The following TRIP12 variants were observed in gnomAD, a reference collection of about 807,000 sequenced individuals.
TRIP12 encodes E3 ubiquitin-protein ligase TRIP12.
TRIP12 carries 25 observed loss-of-function variants against 244.2 expected under a neutral mutation model. The observed-to-expected ratio is 0.10, with a 90% CI of 0.07 to 0.14. The LOEUF is 0.14. Ranked by LOEUF, TRIP12 falls within the 10% of genes least tolerant of loss-of-function variation. The pLI, the probability that TRIP12 is intolerant of heterozygous loss-of-function variation, is 1.00. For missense variants in TRIP12, 1,677 were observed against 2,486.4 expected, an observed-to-expected ratio of 0.67 and a Z score of 6.92; for synonymous variants, 905 against 873.1, an observed-to-expected ratio of 1.04 and a Z score of -0.64.
chr2:229,898,684 A>C (rs1237726067), intron 1 of TRIP12, among the ~76,000 whole-genome samples: 1 of 152,166 alleles, frequency 6.6e-6, no homozygotes, highest in Non-Finnish European at 1.5e-5. Flanking sequence ...TTTGCATCAG[A>C]TAGCATTTTG....
chr2:229,859,668 C>G (rs908693073), intron 3 of TRIP12, 94 bp from the exon 4 acceptor site: 2 of 1,333,838 alleles, frequency 1.5e-6, no homozygotes, highest in Admixed American at 2.3e-5. Flanking sequence ...TGAATATGTT[C>G]CTACTAAGTC....
intron 4 of TRIP12, among the ~76,000 whole-genome samples, chr2:229,857,018 T>A (rs952667897): frequency 6.6e-6 from 1 of 152,188 alleles, no homozygotes; most frequent in Non-Finnish European, 1.5e-5. Flanking sequence ...TCATTTCAGG[T>A]AATATGTGAA....
chr2:229,886,938 G>A (rs1426295144), intron 1 of TRIP12, among the ~76,000 whole-genome samples: 2 of 152,124 alleles, frequency 1.3e-5, no homozygotes, highest in Non-Finnish European at 2.9e-5. Context: ...TACAAAACTG[G>A]TAGTGCAAAT....
At chr2:229,885,524 T>C (rs2065833560) in intron 1 of TRIP12, among the ~76,000 whole-genome samples, 1 of 152,142 alleles carries the variant, frequency 6.6e-6, no homozygotes. Context: ...AGTTCTGAAC[T>C]ACACACACCA....
chr2:229,885,762 GA>G (rs1368848695), intron 1 of TRIP12, among the ~76,000 whole-genome samples: 1 of 152,130 alleles, frequency 6.6e-6, no homozygotes, highest in Non-Finnish European at 1.5e-5. Context: ...GAGGTGCCGA[GA>G]AACAATGACA....
chr2:229,805,600 G>C, intron 18 of TRIP12, 130 bp downstream of exon 18: 1 of 996,712 alleles, frequency 1.0e-6, no homozygotes, highest in Non-Finnish European at 1.3e-6. Flanking sequence ...TTAAAAAATC[G>C]AAAACCAAAT....
At chr2:229,807,679 A>C in intron 17 of TRIP12, 29 bp downstream of exon 17, 1 of 1,613,856 alleles carries the variant, frequency 6.2e-7, no homozygotes, top group Non-Finnish European at 8.5e-7. Context: ...CAAAATAGAC[A>C]CATTTAAACG....
Position 229,859,568 on chromosome 2 carries a change from G to A in TRIP12, c.231C>T (p.Cys77=). ...LSRGHLSKRS[C]SSSSAVIVPQ... is the part of the protein sequence containing the mutation. ...GAACTATCACAGCAGATGATGAACT[G>A]CAGCTTCTAAGAGGTTAGATAAGAA... The change falls in exon 4 of 42, where the codon TGC becomes TGT. Residue 77 remains cysteine (C), a synonymous_variant. Coordinates refer to ENST00000675903, the MANE Select transcript of TRIP12 (RefSeq NM_001348323.3). 1 of 1,611,290 alleles carries A rather than the reference G, an allele frequency of 6.2e-7. No individual in the cohort carries two copies. Among genetic ancestry groups the A allele is most frequent in the Non-Finnish European group, 8.5e-7 (1 of 1,178,508 alleles).
intron 2 of TRIP12, among the ~76,000 whole-genome samples, chr2:229,862,392 C>T (rs965421290): frequency 2.0e-5 from 3 of 152,010 alleles, no homozygotes; most frequent in Non-Finnish European, 4.4e-5. Flanking sequence ...AGAGGTGTAA[C>T]GTTCTGTTTT....
chr2:229,781,016 G>T (rs1232721116), intron 34 of TRIP12, among the ~76,000 whole-genome samples: 1 of 152,218 alleles, frequency 6.6e-6, no homozygotes, highest in Admixed American at 6.5e-5. Context: ...AGAAGTCACA[G>T]ATCAAATTAG....
At chr2:229,908,862 C>T (rs1354637610) in intron 1 of TRIP12, among the ~76,000 whole-genome samples, 2 of 151,870 alleles carry the variant, frequency 1.3e-5, no homozygotes, top group Non-Finnish European at 2.9e-5. Flanking sequence ...GAGGCCGAGG[C>T]GGGCAGATCA....
intron 1 of TRIP12, among the ~76,000 whole-genome samples, chr2:229,903,662 A>G (rs568961387): frequency 1.3e-5 from 2 of 152,250 alleles, no homozygotes; most frequent in East Asian, 3.9e-4. Context: ...CAAGTATCCC[A>G]AGTTAATGCA....
chr2:229,801,991 G>A (rs907925179), intron 21 of TRIP12, among the ~76,000 whole-genome samples: 2 of 152,108 alleles, frequency 1.3e-5, no homozygotes, highest in Non-Finnish European at 2.9e-5. Context: ...GTGTAACACC[G>A]TGCAAGTCAC....
chr2:229,900,189 TCTA>T (rs1427075991), intron 1 of TRIP12, among the ~76,000 whole-genome samples: 1 of 152,214 alleles, frequency 6.6e-6, no homozygotes, highest in African/African-American at 2.4e-5. Flanking sequence ...TAGTTGAACT[TCTA>T]CAACCTAGGA....
Position 229,769,219 on chromosome 2 carries a change from C to A in TRIP12, c.5903+12G>T. On this transcript the variant is annotated intron_variant, in intron 40 of 41. Coordinates refer to ENST00000675903, the MANE Select transcript of TRIP12 (RefSeq NM_001348323.3). ...AGAATCAACAGAAAAACTGGCAGAC[C>A]CCAGTACTTACCTGTCATGAGTATA... The A allele has an allele frequency of 6.2e-7, 1 of 1,609,748 alleles. No homozygotes were observed. The highest frequency in any genetic ancestry group is 8.5e-7 in the Non-Finnish European group (1 of 1,177,738).
intron 34 of TRIP12, among the ~76,000 whole-genome samples, chr2:229,779,697 A>C (rs2037459179): frequency 1.3e-5 from 2 of 152,204 alleles, no homozygotes; most frequent in African/African-American, 4.8e-5. Context: ...GAGCTTTATC[A>C]ACATGCACAT....
intron 2 of TRIP12, among the ~76,000 whole-genome samples, chr2:229,864,399 TA>T (rs2061136071): frequency 6.6e-6 from 1 of 152,194 alleles, no homozygotes; most frequent in African/African-American, 2.4e-5. Context: ...AAATTAAAAA[TA>T]TAATTATTCT....
chr2:229,804,119 A>G lies in TRIP12; in HGVS notation c.2759T>C (p.Val920Ala), dbSNP rs140030229. 7 of 1,614,020 alleles carry G rather than the reference A, an allele frequency of 4.3e-6. No individual in the cohort carries two copies. Among genetic ancestry groups the G allele is most frequent in the Non-Finnish European group, 5.1e-6 (6 of 1,179,998 alleles). ...CGCAGGTCCTGCTGAGGAACTATAC[A>G]CTTCATAAAGAACACCAAATAATGT... ...IKTLFGVLYE[V>A]YSSSAGPAVR... Residue 920 changes from valine (V) to alanine (A), a missense_variant, in exon 19 of 42, where the codon GTG (valine) becomes GCG (alanine). Around this residue, in one of 11 missense-constraint regions of TRIP12, gnomAD observed 572 missense variants for 867.8 expected, o/e 0.66. Transcript: ENST00000675903.
intron 1 of TRIP12, among the ~76,000 whole-genome samples, chr2:229,896,482 AC>A (rs1343776297): frequency 6.6e-6 from 1 of 152,116 alleles, no homozygotes; most frequent in African/African-American, 2.4e-5. Flanking sequence ...TACTAAAAAT[AC>A]AAAAATTAGC....
Sources: gnomAD v4.1 joint callset for allele counts (sites outside exome capture counted in the v4.1 genomes callset) on GRCh38, gnomAD v4.1.1 for gene constraint, gnomAD v4.1.1 regional missense constraint, MANE v1.5 for transcripts, NCBI Gene and HGNC (gene_info 2026-07-23, HGNC 2026-07-21) for gene names.